Variants in SLC41A2 observed in about 807,000 individuals in gnomAD.
SLC41A2 encodes SLC41A1-like 1.
In SLC41A2, 32 loss-of-function variants were observed where a neutral mutation model predicts 58.3. The observed-to-expected ratio is 0.55, with a 90% confidence interval of 0.41 to 0.74. SLC41A2 has a LOEUF of 0.74. Among genes scored for constraint, SLC41A2 ranks in the 30% least tolerant of loss-of-function variants. SLC41A2 has a pLI of 0.00. For missense variants in SLC41A2, 514 were observed against 680.6 expected, an observed-to-expected ratio of 0.76 and a Z score of 2.72; for synonymous variants, 190 against 235.0, an observed-to-expected ratio of 0.81 and a Z score of 1.75.
intron 6 of SLC41A2, among the ~76,000 whole-genome samples, chr12:104,878,839 C>G (rs549790089): frequency 0.014 from 2,170 of 152,208 alleles, 17 homozygotes; most frequent in Middle Eastern, 0.02. Flanking sequence ...GTAATGGGAT[C>G]GCTGGGTCAA....
Position 104,814,386 on chromosome 12 carries a change from C to CAACA in SLC41A2, c.1537-9053_1537-9050dup, listed in dbSNP as rs540543286. ...GGTGAAAGAGCAAGATTGTGTCTCA[C>CAACA]AACAAACAAACAAACAAAAAAACAC... On this transcript the variant is annotated intron_variant, in intron 10 of 10. Transcript: ENST00000258538. 2.0e-3 allele frequency among the ~76,000 whole-genome samples: 307 copies of CAACA among 152,176 alleles called. 1 individual carries two copies. Among genetic ancestry groups the CAACA allele is most frequent in the African/African-American group, 6.9e-3 (287 of 41,522 alleles).
rs544225058 is a variant in SLC41A2, at chr12:104,826,086, G to A, written c.1536+18386C>T. On this transcript the variant is annotated intron_variant, in intron 10 of 10. Transcript: ENST00000258538. ...CTGAGTTTTCGCTGAAAGAGGGAAG[G>A]GAAATGAGGGAAGCCTCTATTCCCT... is the stretch of plus-strand genomic sequence containing the variant. Among the ~76,000 whole-genome samples, 43 of 152,226 alleles carry A rather than the reference G, an allele frequency of 2.8e-4. No homozygotes were observed. The South Asian group carries it at 8.7e-3, about 31-fold the overall frequency.
At chr12:104,918,033 C>T (rs1462772349) in intron 2 of SLC41A2, among the ~76,000 whole-genome samples, 1 of 148,740 alleles carries the variant, frequency 6.7e-6, no homozygotes, top group African/African-American at 2.4e-5. Context: ...TAAACCTATT[C>T]ACTTTTAAAC....
At chr12:104,862,510 C>T (rs1228229147) in intron 7 of SLC41A2, among the ~76,000 whole-genome samples, 1 of 151,998 alleles carries the variant, frequency 6.6e-6, no homozygotes, top group Non-Finnish European at 1.5e-5. Context: ...TTTTAGATTC[C>T]TGTTAAGCCC....
chr12:104,943,974 G>A (rs1393818312), intron 1 of SLC41A2, among the ~76,000 whole-genome samples: 1 of 152,100 alleles, frequency 6.6e-6, no homozygotes, highest in African/African-American at 2.4e-5. Flanking sequence ...AGGCAGCAAC[G>A]GCTACCCTTT....
intron 5 of SLC41A2, among the ~76,000 whole-genome samples, chr12:104,886,680 T>C (rs910413144): frequency 1.3e-5 from 2 of 152,060 alleles, no homozygotes; most frequent in Non-Finnish European, 2.9e-5. Context: ...GCCTGAAAGC[T>C]ACTAAAATTA....
intron 1 of SLC41A2, among the ~76,000 whole-genome samples, chr12:104,952,689 T>A (rs1593200088): frequency 6.6e-6 from 1 of 152,198 alleles, no homozygotes; most frequent in African/African-American, 2.4e-5. Context: ...CATTTTCTAT[T>A]GTATTCCTTT....
At chr12:104,949,431 A>C (rs1414835860) in intron 1 of SLC41A2, among the ~76,000 whole-genome samples, 3 of 152,192 alleles carry the variant, frequency 2.0e-5, no homozygotes, top group Non-Finnish European at 4.4e-5. Context: ...CATCCTTTAC[A>C]CAAAGATTTA....
chr12:104,884,058 C>T (rs2044527718), intron 6 of SLC41A2, among the ~76,000 whole-genome samples: 1 of 152,242 alleles, frequency 6.6e-6, no homozygotes, highest in Admixed American at 6.5e-5. Context: ...GCGGACGCCC[C>T]TCCCCCAGCC....
intron 10 of SLC41A2, among the ~76,000 whole-genome samples, chr12:104,826,010 TAA>T (rs1341846005): frequency 6.6e-6 from 1 of 152,132 alleles, no homozygotes; most frequent in Non-Finnish European, 1.5e-5. Context: ...GGCTCAGGGA[TAA>T]GAGGTAGAGA....
chr12:104,944,697 T>C (rs1593187606), intron 1 of SLC41A2, among the ~76,000 whole-genome samples: 2 of 152,234 alleles, frequency 1.3e-5, no homozygotes. Context: ...CTAAAACTAT[T>C]CTCAAAACCA....
chr12:104,811,751 T>A (rs2041182810), intron 10 of SLC41A2, among the ~76,000 whole-genome samples: 1 of 152,214 alleles, frequency 6.6e-6, no homozygotes, highest in South Asian at 2.1e-4. Context: ...CAGGGCCGCA[T>A]GAGCTACAAC....
At chr12:104,876,593 A>T (rs1285851119) in intron 6 of SLC41A2, among the ~76,000 whole-genome samples, 2 of 151,966 alleles carry the variant, frequency 1.3e-5, no homozygotes, top group Non-Finnish European at 2.9e-5. Context: ...ATTGATTCCT[A>T]GTTTCATACC....
intron 1 of SLC41A2, among the ~76,000 whole-genome samples, chr12:104,945,546 C>T (rs191953033): frequency 1.3e-3 from 199 of 152,016 alleles, no homozygotes; most frequent in South Asian, 2.3e-3. Context: ...AAAAGATACA[C>T]AAAAACTGTT....
intron 6 of SLC41A2, among the ~76,000 whole-genome samples, chr12:104,868,671 A>G (rs2043599183): frequency 6.6e-6 from 1 of 152,222 alleles, no homozygotes; most frequent in South Asian, 2.1e-4. Flanking sequence ...TAGCAGCACT[A>G]TGCATAATGG....
intron 10 of SLC41A2, among the ~76,000 whole-genome samples, chr12:104,810,374 C>G (rs2041119728): frequency 6.6e-6 from 1 of 151,540 alleles, no homozygotes; most frequent in Non-Finnish European, 1.5e-5. Flanking sequence ...CTGGGATTAG[C>G]AAGAAAAATA....
At chr12:104,842,463 C>T (rs2042447643) in intron 10 of SLC41A2, among the ~76,000 whole-genome samples, 1 of 152,058 alleles carries the variant, frequency 6.6e-6, no homozygotes, top group Non-Finnish European at 1.5e-5. Context: ...TTCCAGCTGT[C>T]CTTCTGAAAT....
intron 1 of SLC41A2, among the ~76,000 whole-genome samples, chr12:104,930,646 G>T (rs1016124106): frequency 6.6e-6 from 1 of 152,210 alleles, no homozygotes; most frequent in African/African-American, 2.4e-5. Context: ...TGGAAATGCA[G>T]AGAAATGTAG....
chr12:104,841,177 C>T (rs1287413886), intron 10 of SLC41A2, among the ~76,000 whole-genome samples: 1 of 152,122 alleles, frequency 6.6e-6, no homozygotes, highest in Admixed American at 6.5e-5. Context: ...CATCTCTAAA[C>T]ATTTCAGTAA....
Sources: allele counts gnomAD v4.1 joint callset (sites outside exome capture counted in the v4.1 genomes callset), GRCh38; gene constraint gnomAD v4.1.1; transcripts MANE v1.5; gene names NCBI Gene and HGNC (gene_info 2026-07-23, HGNC 2026-07-21).